Variants in GPC5 observed in about 807,000 individuals in gnomAD.
The protein encoded by GPC5 is glypican-5.
GPC5 carries 47 observed loss-of-function variants against 53.9 expected under a neutral mutation model. The observed-to-expected ratio is 0.87, with a 90% CI of 0.69 to 1.11. GPC5 has a LOEUF of 1.11. Ranked by LOEUF, GPC5 falls within the 50% of genes most tolerant of loss-of-function variation. The probability of loss-of-function intolerance (pLI) is 0.00; values close to 1 mark genes in which losing one functional copy is unlikely to be tolerated. For synonymous variants in GPC5, 286 were observed against 263.3 expected (o/e 1.09, Z -0.84); for missense variants, 748 against 713.1 (o/e 1.05, Z -0.56).
At chr13:91,752,997 A>G (rs76373774) in intron 4 of GPC5, among the ~76,000 whole-genome samples, 29 of 152,322 alleles carry the variant, frequency 1.9e-4, no homozygotes, top group African/African-American at 5.8e-4. Context: ...AGAAATCTCA[A>G]ACTGAACATG....
chr13:92,797,979 C>A (rs548612713), intron 7 of GPC5, among the ~76,000 whole-genome samples: 2 of 151,894 alleles, frequency 1.3e-5, no homozygotes, highest in South Asian at 4.1e-4. Flanking sequence ...GTATGAAATT[C>A]TTCCTTCTCC....
At chr13:92,714,425 T>C (rs1163375540) in intron 7 of GPC5, among the ~76,000 whole-genome samples, 1 of 152,186 alleles carries the variant, frequency 6.6e-6, no homozygotes, top group Non-Finnish European at 1.5e-5. Flanking sequence ...TAATTTTGGA[T>C]TGTTTACTTT....
chr13:91,453,078 A>C (rs1490506032), intron 2 of GPC5, among the ~76,000 whole-genome samples: 1 of 151,768 alleles, frequency 6.6e-6, no homozygotes, highest in Admixed American at 6.6e-5. Flanking sequence ...AAAATTATTT[A>C]ACTTTTTTTT....
intron 7 of GPC5, among the ~76,000 whole-genome samples, chr13:92,760,694 T>G (rs1875130281): frequency 6.6e-6 from 1 of 152,042 alleles, no homozygotes; most frequent in African/African-American, 2.4e-5. Context: ...TTCCCTCTGC[T>G]GACTTTGGGT....
chr13:92,710,072 G>A (rs2139267696), intron 7 of GPC5, among the ~76,000 whole-genome samples: 1 of 152,264 alleles, frequency 6.6e-6, no homozygotes, highest in East Asian at 1.9e-4. Context: ...AGACACCAGA[G>A]AAATAAGTTT....
intron 7 of GPC5, among the ~76,000 whole-genome samples, chr13:92,856,821 G>T (rs1263941732): frequency 1.3e-5 from 2 of 151,996 alleles, no homozygotes; most frequent in African/African-American, 4.8e-5. Context: ...ACTTATGAAA[G>T]AAATTGCAGA....
chr13:91,810,755 A>G (rs1472573290), intron 5 of GPC5, among the ~76,000 whole-genome samples: 1 of 152,050 alleles, frequency 6.6e-6, no homozygotes, highest in South Asian at 2.1e-4. Context: ...CTTTAGTTGT[A>G]CAATATAAAC....
intron 7 of GPC5, among the ~76,000 whole-genome samples, chr13:92,541,940 G>T (rs979976143): frequency 6.6e-5 from 10 of 151,628 alleles, no homozygotes; most frequent in Non-Finnish European, 1.3e-4. Flanking sequence ...AATATTTGTA[G>T]GTCTACTTCT....
chr13:92,061,208 T>G (rs2041120347), intron 6 of GPC5, among the ~76,000 whole-genome samples: 1 of 152,010 alleles, frequency 6.6e-6, no homozygotes, highest in East Asian at 1.9e-4. Flanking sequence ...AACCAAGAGA[T>G]GATATAACGT....
chr13:92,258,254 A>T (rs2139137753), intron 7 of GPC5, among the ~76,000 whole-genome samples: 1 of 152,304 alleles, frequency 6.6e-6, no homozygotes, highest in Middle Eastern at 3.4e-3. Flanking sequence ...GCACTAAAAC[A>T]TGCTATTTCT....
intron 7 of GPC5, among the ~76,000 whole-genome samples, chr13:92,237,032 A>G (rs2042575668): frequency 6.6e-6 from 1 of 152,112 alleles, no homozygotes; most frequent in Non-Finnish European, 1.5e-5. Context: ...GCATATCACA[A>G]TATTAATGAA....
rs541287037 is a variant in GPC5 at position 92,383,237 on chromosome 13, A to C, written c.1561+238248A>C. Among the ~76,000 whole-genome samples the C allele has an allele frequency of 1.1e-4, 16 of 152,294 alleles. No individual in the cohort carries two copies. The South Asian group carries it at 3.1e-3, about 30-fold the overall frequency. On this transcript the variant is annotated intron_variant, in intron 7 of 7. Transcript: ENST00000377067. ...TAATGTAAAAGATGTTTAAGCCAAC[A>C]TCTGATGGAGAAATTACCATGGTGT... is the stretch of plus-strand genomic sequence containing the variant.
intron 6 of GPC5, among the ~76,000 whole-genome samples, chr13:92,072,399 T>G (rs1054051837): frequency 6.6e-6 from 1 of 151,504 alleles, no homozygotes; most frequent in African/African-American, 2.4e-5. Context: ...TCCAAGTAGC[T>G]GGGACTACAG....
chr13:91,565,859 G>T (rs1192839209), intron 2 of GPC5, among the ~76,000 whole-genome samples: 1 of 152,138 alleles, frequency 6.6e-6, no homozygotes, highest in Non-Finnish European at 1.5e-5. Context: ...ACTTCTGGAG[G>T]CTCTGAGGAT....
intron 7 of GPC5, among the ~76,000 whole-genome samples, chr13:92,762,883 G>A (rs1184360912): frequency 1.3e-5 from 2 of 151,406 alleles, no homozygotes; most frequent in African/African-American, 4.9e-5. Flanking sequence ...GCTTAATCTA[G>A]TCTTCTGTTG....
chr13:91,815,776 T>C (rs1477054119), intron 5 of GPC5, among the ~76,000 whole-genome samples: 1 of 152,164 alleles, frequency 6.6e-6, no homozygotes, highest in Admixed American at 6.5e-5. Flanking sequence ...TCCACATACA[T>C]AGAATTCATT....
At chr13:91,697,143 AT>A (rs1019469856) in intron 3 of GPC5, among the ~76,000 whole-genome samples, 1 of 151,938 alleles carries the variant, frequency 6.6e-6, no homozygotes, top group Non-Finnish European at 1.5e-5. Flanking sequence ...ATTTATCTGA[AT>A]TTTTTTTCTT....
intron 5 of GPC5, among the ~76,000 whole-genome samples, chr13:91,813,976 A>C (rs988276053): frequency 8.4e-6 from 1 of 118,392 alleles, no homozygotes; most frequent in Non-Finnish European, 1.6e-5. Flanking sequence ...TCTGTCACCC[A>C]GGCTGGAGTG....
intron 6 of GPC5, among the ~76,000 whole-genome samples, chr13:91,988,584 C>G (rs1184945452): frequency 6.6e-6 from 1 of 152,148 alleles, no homozygotes; most frequent in African/African-American, 2.4e-5. Flanking sequence ...GAGCAGCCAT[C>G]TGATATCATG....
Sources: allele counts gnomAD v4.1 joint callset (sites outside exome capture counted in the v4.1 genomes callset), GRCh38; gene constraint gnomAD v4.1.1; transcripts MANE v1.5; gene names NCBI Gene and HGNC (gene_info 2026-07-23, HGNC 2026-07-21).